SYNPR: variants seen among roughly 807,000 people sequenced by gnomAD.
SYNPR encodes the protein synaptoporin.
Under a neutral mutation model 32.9 loss-of-function variants are expected in SYNPR, and 23 were observed. The ratio of observed to expected loss-of-function variants is 0.70; its 90% CI spans 0.50 to 0.99. The LOEUF (loss-of-function observed/expected upper bound fraction) is 0.99, where lower values mean the gene tolerates loss of function less well. SYNPR is among the 50% of genes least tolerant of loss of function. SYNPR has a pLI of 0.00. For missense variants in SYNPR, 318 were observed against 349.3 expected (o/e 0.91, Z 0.71); for synonymous variants, 146 against 135.9 (o/e 1.07, Z -0.52).
chr3:63,508,453 G>A (rs1221976503), intron 3 of SYNPR, among the ~76,000 whole-genome samples: 1 of 152,164 alleles, frequency 6.6e-6, no homozygotes, highest in Non-Finnish European at 1.5e-5. Flanking sequence ...CTCAGGTGAT[G>A]TAAGGTGACT....
intron 2 of SYNPR, among the ~76,000 whole-genome samples, chr3:63,437,370 G>T (rs1182400595): frequency 6.6e-6 from 1 of 152,150 alleles, no homozygotes; most frequent in African/African-American, 2.4e-5. Context: ...GTTAGGGCAA[G>T]TGACAAGACC....
At chr3:63,501,878 T>G (rs942065427) in intron 3 of SYNPR, among the ~76,000 whole-genome samples, 2 of 152,194 alleles carry the variant, frequency 1.3e-5, no homozygotes, top group African/African-American at 4.8e-5. Context: ...GTAAAACTTC[T>G]TATTGATAAA....
chr3:63,346,533 G>A (rs13066944), intron 2 of SYNPR, among the ~76,000 whole-genome samples: 31,077 of 151,908 alleles, frequency 0.2, 3,645 homozygotes, highest in South Asian at 0.38. Context: ...GTGCAGTGGC[G>A]TGGTCTCGGC....
chr3:63,329,468 A>T, intron 2 of SYNPR, among the ~76,000 whole-genome samples: 1 of 152,172 alleles, frequency 6.6e-6, no homozygotes, highest in East Asian at 1.9e-4. Context: ...ATCACAACAC[A>T]GCAATTAAAA....
intron 2 of SYNPR, among the ~76,000 whole-genome samples, chr3:63,256,713 G>A (rs1240387873): frequency 3.3e-5 from 5 of 152,182 alleles, no homozygotes; most frequent in Admixed American, 6.5e-5. Context: ...AACAAAGCTG[G>A]ACAGAGAATG....
At chr3:63,445,709 A>G (rs1700265266) in intron 2 of SYNPR, 1 of 523,592 alleles carries the variant, frequency 1.9e-6, no homozygotes, top group Non-Finnish European at 3.4e-6. Context: ...GAGACATAGG[A>G]CAAGTATGTA....
chr3:63,290,585 T>G (rs1049425417), intron 2 of SYNPR, among the ~76,000 whole-genome samples: 2 of 152,206 alleles, frequency 1.3e-5, no homozygotes, highest in Non-Finnish European at 2.9e-5. Flanking sequence ...AACAAAATCT[T>G]TATTCACTGA....
chr3:63,268,335 T>C (rs934830924), intron 3 of SYNPR, among the ~76,000 whole-genome samples: 2 of 152,202 alleles, frequency 1.3e-5, no homozygotes, highest in Non-Finnish European at 2.9e-5. Flanking sequence ...TAAATATTTA[T>C]AGAAAATATG....
intron 2 of SYNPR, among the ~76,000 whole-genome samples, chr3:63,379,625 T>A (rs906741703): frequency 6.6e-6 from 1 of 152,190 alleles, no homozygotes; most frequent in African/African-American, 2.4e-5. Flanking sequence ...TATCTCATTT[T>A]AATATTGCTA....
intron 1 of SYNPR, among the ~76,000 whole-genome samples, chr3:63,235,488 T>C (rs761876397): frequency 6.6e-6 from 1 of 152,170 alleles, no homozygotes; most frequent in Non-Finnish European, 1.5e-5. Context: ...ATCTGCTGGA[T>C]TGTCTGTTAA....
chr3:63,551,869 C>CTATTTATT (rs10527039), intron 3 of SYNPR, among the ~76,000 whole-genome samples: 2,445 of 144,820 alleles, frequency 0.017, 24 homozygotes, highest in Middle Eastern at 0.025. Context: ...CAGCATCTAG[C>CTATTTATT]TATTTATTTA....
rs190568688 is a variant in SYNPR, at chr3:63,310,196, C to T, written c.84+31454C>T. On this transcript the variant is annotated intron_variant, in intron 2 of 5. Transcript: ENST00000478300. ...TTGAGACAAAGTCATTCTCATCTCT[C>T]TCACCTTTGGTCTCCTTATTTGTTT... 1.2e-4 allele frequency among the ~76,000 whole-genome samples: 19 copies of T among 152,050 alleles called. 1 individual carries two copies. In the Middle Eastern group the frequency reaches 0.01, roughly 82 times the overall value.
the SYNPR span, among the ~76,000 whole-genome samples, chr3:63,210,431 A>G: frequency 1.3e-5 from 2 of 152,250 alleles, no homozygotes; most frequent in South Asian, 4.1e-4. Flanking sequence ...GATTTTACAC[A>G]GGACTCTCCT....
At chr3:63,242,189 G>C (rs2086254005) in intron 1 of SYNPR, among the ~76,000 whole-genome samples, 1 of 152,030 alleles carries the variant, frequency 6.6e-6, no homozygotes, top group Admixed American at 6.6e-5. Context: ...TTCCAGAAAT[G>C]GAAAGCAAAC....
chr3:63,319,103 T>C lies in SYNPR; in HGVS notation c.84+40361T>C, dbSNP rs750491597. Among the ~76,000 whole-genome samples the C allele has an allele frequency of 2.6e-5, 4 of 152,040 alleles. No individual in the cohort carries two copies. The South Asian group carries it at 6.2e-4, about 24-fold the overall frequency. On this transcript the variant is annotated intron_variant, in intron 2 of 5. Transcript: ENST00000478300. ...GAGGTGTCTGCACAGATTCCTGTGATGTGAACCATCTGTGGGTCTTTCAGC... is the reference window on the plus strand; with the variant it reads ...GAGGTGTCTGCACAGATTCCTGTGACGTGAACCATCTGTGGGTCTTTCAGC...
chr3:63,334,765 G>T (rs536367264), intron 2 of SYNPR, among the ~76,000 whole-genome samples: 1 of 152,230 alleles, frequency 6.6e-6, no homozygotes, highest in Admixed American at 6.5e-5. Context: ...CATTTTCTTT[G>T]ATTTTTTTGT....
In SYNPR at chr3:63,463,597, G is replaced by T. The variant is rs116774056; in HGVS notation, c.85-17235G>T. Among the ~76,000 whole-genome samples the T allele has an allele frequency of 4.0e-3, 612 of 152,266 alleles. 2 individuals carry two copies. Among genetic ancestry groups the T allele is most frequent in the African/African-American group, 0.014 (585 of 41,556 alleles). On this transcript the variant is annotated intron_variant, in intron 2 of 5. Coordinates refer to ENST00000478300, the MANE Select transcript of SYNPR (RefSeq NM_001130003.2). ...TAGGCTGAGGTCCTTGAATCTCTGG[G>T]TTGGTCTGTTAGAGAATCCTGAGAA...
chr3:63,444,601 G>T lies in SYNPR; in HGVS notation c.85-36231G>T, dbSNP rs186732539. Among the ~76,000 whole-genome samples, 203 of 152,240 alleles carry T rather than the reference G, an allele frequency of 1.3e-3. 1 individual carries two copies. The highest frequency in any genetic ancestry group is 4.4e-3 in the African/African-American group (183 of 41,566). ...AGAGTAAAGTTGGGAATATCATGCA[G>T]GCCTAGGGCTCGTAGGCATAGATTT... On this transcript the variant is annotated intron_variant, in intron 2 of 5. Transcript: ENST00000478300.
At position 63,251,380 on chromosome 3, in the gene SYNPR, C is replaced by T. The variant is rs1024612998; in HGVS notation, n.67-1119C>T. ...GAGTTAGAAGGAAAGCATATATGTG[C>T]CCCAGAAAGGAGCCTTCAATTTAAG... On this transcript the variant is annotated intron_variant and non_coding_transcript_variant, in intron 1 of 4. Coordinates refer to the SYNPR transcript ENST00000478456. Among the ~76,000 whole-genome samples, 4 of 152,026 alleles carry T rather than the reference C, an allele frequency of 2.6e-5. No homozygotes were observed. The East Asian group carries it at 7.7e-4, about 29-fold the overall frequency.
Sources: gnomAD v4.1 joint callset for allele counts (sites outside exome capture counted in the v4.1 genomes callset) on GRCh38, gnomAD v4.1.1 for gene constraint, MANE v1.5 for transcripts, NCBI Gene and HGNC (gene_info 2026-07-23, HGNC 2026-07-21) for gene names.